LRP1B: variants seen among roughly 807,000 people sequenced by gnomAD.
LRP1B encodes the protein low-density lipoprotein receptor-related protein 1B.
LRP1B carries 217 observed loss-of-function variants against 556.6 expected under a neutral mutation model. The ratio of observed to expected loss-of-function variants is 0.39; its 90% confidence interval spans 0.35 to 0.44. The LOEUF (loss-of-function observed/expected upper bound fraction) is 0.44, where lower values mean the gene tolerates loss of function less well. Ranked by LOEUF, LRP1B falls within the 20% of genes least tolerant of loss-of-function variation. LRP1B has a pLI of 1.00. For synonymous variants in LRP1B, 2,047 were observed against 1,865.8 expected, an observed-to-expected ratio of 1.10 and a Z score of -2.50; for missense variants, 5,053 against 5,620.8, an observed-to-expected ratio of 0.90 and a Z score of 3.23.
intron 4 of LRP1B, 36 bp downstream of exon 4, chr2:141,254,486 T>TC: frequency 6.2e-7 from 1 of 1,607,578 alleles, no homozygotes; most frequent in Non-Finnish European, 8.5e-7. Context: ...TAAGCCTCTA[T>TC]AAACAAAATT....
At chr2:142,111,523 C>G (rs1706988498) in intron 1 of LRP1B, among the ~76,000 whole-genome samples, 1 of 152,072 alleles carries the variant, frequency 6.6e-6, no homozygotes. Flanking sequence ...TTGAGAGAGC[C>G]TTTTGTCCAT....
chr2:140,395,154 G>C (rs1373975945), intron 66 of LRP1B, among the ~76,000 whole-genome samples: 1 of 152,138 alleles, frequency 6.6e-6, no homozygotes, highest in African/African-American at 2.4e-5. Context: ...ACTCCTAATA[G>C]TAATGTTGTT....
intron 23 of LRP1B, among the ~76,000 whole-genome samples, chr2:140,891,847 G>A (rs1469084876): frequency 6.6e-6 from 1 of 151,934 alleles, no homozygotes; most frequent in Non-Finnish European, 1.5e-5. Context: ...CCAATTTTTT[G>A]TTTCTCTCTT....
At chr2:140,558,942 GAAA>G (rs371518136) in intron 43 of LRP1B, among the ~76,000 whole-genome samples, 1 of 110,586 alleles carries the variant, frequency 9.0e-6, no homozygotes. Context: ...TCTCCAAAAG[GAAA>G]AAAAAAAAAA....
At chr2:141,707,951 C>A (rs914468974) in intron 2 of LRP1B, among the ~76,000 whole-genome samples, 2 of 152,080 alleles carry the variant, frequency 1.3e-5, no homozygotes, top group East Asian at 3.9e-4. Context: ...GCCACAGATT[C>A]TTTTTACATT....
intron 43 of LRP1B, among the ~76,000 whole-genome samples, chr2:140,579,588 T>A (rs1320707378): frequency 6.6e-6 from 1 of 152,160 alleles, no homozygotes; most frequent in African/African-American, 2.4e-5. Flanking sequence ...AGGCCTGTAA[T>A]CTCAGCCCTT....
chr2:141,833,111 G>T (rs1347677290), intron 1 of LRP1B, among the ~76,000 whole-genome samples: 5 of 151,634 alleles, frequency 3.3e-5, no homozygotes, highest in Non-Finnish European at 4.4e-5. Context: ...TTTAGAATGA[G>T]ATTTCTTATT....
intron 6 of LRP1B, among the ~76,000 whole-genome samples, chr2:141,198,580 ATTC>A (rs1050329361): frequency 1.4e-4 from 21 of 152,040 alleles, no homozygotes; most frequent in African/African-American, 5.1e-4. Flanking sequence ...GGTCTTGGAT[ATTC>A]TTATGCTTTT....
In LRP1B at chr2:140,762,436, C is replaced by T. The variant is rs562713069; in HGVS notation, c.5758+6777G>A. On this transcript the variant is annotated intron_variant, in intron 35 of 90. Coordinates refer to ENST00000389484, the MANE Select transcript of LRP1B (RefSeq NM_018557.3). Reference sequence around the variant, plus strand: ...TACACAAAGTTTCCTAACTTTACTCCTGTGATGTAGTAAGTGTGCAACAAA... The same window carrying T: ...TACACAAAGTTTCCTAACTTTACTCTTGTGATGTAGTAAGTGTGCAACAAA... Among the ~76,000 whole-genome samples, 21 of 152,196 alleles carry T rather than the reference C, an allele frequency of 1.4e-4. 1 individual carries two copies. The highest frequency in any genetic ancestry group is 5.1e-4 in the African/African-American group (21 of 41,540).
chr2:141,118,072 A>G (rs1311714993), intron 7 of LRP1B, among the ~76,000 whole-genome samples: 1 of 151,960 alleles, frequency 6.6e-6, no homozygotes, highest in Non-Finnish European at 1.5e-5. Context: ...AAAACTTTGT[A>G]CCAAACAAAT....
At chr2:140,937,833 T>A (rs1695274341) in intron 20 of LRP1B, among the ~76,000 whole-genome samples, 1 of 152,118 alleles carries the variant, frequency 6.6e-6, no homozygotes, top group Non-Finnish European at 1.5e-5. Context: ...TGCTTAAATA[T>A]GTAATCTCAG....
chr2:142,010,548 C>A, intron 1 of LRP1B, among the ~76,000 whole-genome samples: 1 of 90,598 alleles, frequency 1.1e-5, no homozygotes, highest in African/African-American at 4.6e-5. Context: ...GAGCAAGATT[C>A]TGTCTCAAAA....
chr2:140,714,304 A>G (rs938130634), intron 37 of LRP1B, among the ~76,000 whole-genome samples: 1 of 152,156 alleles, frequency 6.6e-6, no homozygotes, highest in Non-Finnish European at 1.5e-5. Context: ...TTAATTGAAT[A>G]AATTGATAAA....
intron 1 of LRP1B, among the ~76,000 whole-genome samples, chr2:141,984,459 A>G (rs1702128504): frequency 6.6e-6 from 1 of 152,154 alleles, no homozygotes; most frequent in Non-Finnish European, 1.5e-5. Flanking sequence ...ATGTTGGCAA[A>G]TGAGTATTGT....
At chr2:141,112,405 G>A (rs1166357527) in intron 7 of LRP1B, among the ~76,000 whole-genome samples, 1 of 151,974 alleles carries the variant, frequency 6.6e-6, no homozygotes, top group Non-Finnish European at 1.5e-5. Context: ...TGGTAATTTT[G>A]CTATTTAAAA....
At chr2:141,015,570 A>C in intron 13 of LRP1B, 126 bp downstream of exon 13, 2 of 747,920 alleles carry the variant, frequency 2.7e-6, no homozygotes, top group South Asian at 1.9e-5. Flanking sequence ...CAGCCACCCC[A>C]TGGAGACTAT....
intron 3 of LRP1B, among the ~76,000 whole-genome samples, chr2:141,446,461 G>A (rs1479786635): frequency 6.6e-6 from 1 of 152,158 alleles, no homozygotes; most frequent in Non-Finnish European, 1.5e-5. Context: ...TATGATGCTA[G>A]CTGGTTATTT....
intron 35 of LRP1B, among the ~76,000 whole-genome samples, chr2:140,741,482 TA>T (rs1414046820): frequency 6.6e-6 from 1 of 152,214 alleles, no homozygotes; most frequent in East Asian, 1.9e-4. Flanking sequence ...ACCACACTAT[TA>T]TTTTTTTTTT....
intron 1 of LRP1B, among the ~76,000 whole-genome samples, chr2:142,123,894 T>G (rs565149027): frequency 2.0e-5 from 3 of 151,964 alleles, no homozygotes; most frequent in Non-Finnish European, 4.4e-5. Flanking sequence ...TAATTTTCTT[T>G]CTTTTCTAAA....
Sources: gnomAD v4.1 joint callset for allele counts (sites outside exome capture counted in the v4.1 genomes callset) on GRCh38, gnomAD v4.1.1 for gene constraint, MANE v1.5 for transcripts, NCBI Gene and HGNC (gene_info 2026-07-23, HGNC 2026-07-21) for gene names.